Variants in ZNF609 observed in about 807,000 individuals in gnomAD.
ZNF609 encodes zinc finger protein 609.
Under a neutral mutation model 109.5 loss-of-function variants are expected in ZNF609, and 11 were observed. The ratio of observed to expected loss-of-function variants is 0.10; its 90% CI spans 0.06 to 0.17. The LOEUF (loss-of-function observed/expected upper bound fraction) is 0.17. ZNF609 is among the 10% of genes least tolerant of loss of function. The pLI, the probability that ZNF609 is intolerant of heterozygous loss-of-function variation, is 1.00. For synonymous variants in ZNF609, 646 were observed against 662.0 expected (o/e 0.98, Z 0.37); for missense variants, 1,559 against 1,772.4 (o/e 0.88, Z 2.16).
At chr15:64,512,605 C>T (rs1298948876) in intron 2 of ZNF609, among the ~76,000 whole-genome samples, 3 of 152,030 alleles carry the variant, frequency 2.0e-5, no homozygotes, top group Non-Finnish European at 4.4e-5. Context: ...GAGGAAATAT[C>T]GCATCACAGA....
At chr15:64,559,632 G>A (rs1403992957) in intron 2 of ZNF609, among the ~76,000 whole-genome samples, 2 of 152,096 alleles carry the variant, frequency 1.3e-5, no homozygotes, top group Non-Finnish European at 2.9e-5. Flanking sequence ...AGGAAAGATG[G>A]GCATATAATG....
chr15:64,460,917 G>C (rs1220841924), intron 1 of ZNF609, 79 bp downstream of exon 1: 1 of 128,488 alleles, frequency 7.8e-6, no homozygotes, highest in Non-Finnish European at 1.7e-5. Flanking sequence ...GGGCTGAGGG[G>C]ATCTGATGGG....
intron 3 of ZNF609, among the ~76,000 whole-genome samples, chr15:64,652,104 A>G (rs973424254): frequency 5.3e-5 from 8 of 152,104 alleles, no homozygotes; most frequent in African/African-American, 1.7e-4. Flanking sequence ...CAGTGGTGCA[A>G]TCGCAGCTCA....
chr15:64,544,996 A>G (rs1567010426), intron 2 of ZNF609, among the ~76,000 whole-genome samples: 2 of 152,170 alleles, frequency 1.3e-5, no homozygotes, highest in Non-Finnish European at 2.9e-5. Context: ...TGTACCTGTC[A>G]TTTCTGCCAT....
intron 2 of ZNF609, among the ~76,000 whole-genome samples, chr15:64,594,284 G>GTTTGTT (rs1282486079): frequency 6.6e-6 from 1 of 151,786 alleles, no homozygotes; most frequent in East Asian, 1.9e-4. Context: ...TTTTTTGTTT[G>GTTTGTT]TTTGTTTTAA....
At chr15:64,606,298 G>T (rs1001804325) in intron 2 of ZNF609, among the ~76,000 whole-genome samples, 1 of 151,338 alleles carries the variant, frequency 6.6e-6, no homozygotes, top group Non-Finnish European at 1.5e-5. Flanking sequence ...TAGGCCGGGC[G>T]CGGTGGCTCA....
chr15:64,593,301 C>T, intron 2 of ZNF609: 4 of 1,418,168 alleles, frequency 2.8e-6, no homozygotes, highest in East Asian at 2.3e-5. Flanking sequence ...GGTGCTGCCC[C>T]ACGTCCCCCA....
intron 2 of ZNF609, among the ~76,000 whole-genome samples, chr15:64,528,296 A>C (rs1251324577): frequency 6.6e-6 from 1 of 151,538 alleles, no homozygotes; most frequent in Non-Finnish European, 1.5e-5. Context: ...ATGGGGTTTC[A>C]CCATATTAGC....
chr15:64,564,922 A>G (rs1050621671), intron 2 of ZNF609, among the ~76,000 whole-genome samples: 13 of 150,654 alleles, frequency 8.6e-5, no homozygotes, highest in Admixed American at 2.0e-4. Context: ...ATCTCCGCTC[A>G]CTGCAAGCTC....
intron 2 of ZNF609, among the ~76,000 whole-genome samples, chr15:64,587,860 T>G (rs73451079): frequency 0.049 from 7,394 of 152,066 alleles, 598 homozygotes; most frequent in African/African-American, 0.17. Flanking sequence ...GCAGAGTCTC[T>G]AAAGAAGTTA....
At position 64,492,019 on chromosome 15, in the gene ZNF609, A is replaced by G. The variant is rs138481089; in HGVS notation, c.-127-7274A>G. Among the ~76,000 whole-genome samples the G allele has an allele frequency of 2.4e-3, 367 of 152,266 alleles. 2 individuals carry two copies. Among genetic ancestry groups the G allele is most frequent in the African/African-American group, 8.5e-3 (354 of 41,540 alleles). ...CACTTTAGAAGGCCAACACAGGCAG[A>G]TCACCTGAGATCAGGAGTTCGAGAC... On this transcript the variant is annotated intron_variant, in intron 1 of 9. Transcript: ENST00000326648.
intron 1 of ZNF609, among the ~76,000 whole-genome samples, chr15:64,464,045 C>A (rs182211057): frequency 6.6e-6 from 1 of 152,024 alleles, no homozygotes; most frequent in African/African-American, 2.4e-5. Context: ...CCCAACTACC[C>A]GTCCCAGCTT....
At chr15:64,609,134 T>TC (rs1895672243) in intron 2 of ZNF609, among the ~76,000 whole-genome samples, 6 of 145,058 alleles carry the variant, frequency 4.1e-5, no homozygotes, top group African/African-American at 7.6e-5. Context: ...CTTTCTTTTT[T>TC]TCTTTCTTTT....
intron 2 of ZNF609, among the ~76,000 whole-genome samples, chr15:64,531,487 T>A (rs534767572): frequency 6.6e-6 from 1 of 152,290 alleles, no homozygotes; most frequent in South Asian, 2.1e-4. Flanking sequence ...AACTTCCGCC[T>A]TCTGGGTTCA....
chr15:64,635,044 C>T (rs1046313076), intron 3 of ZNF609, among the ~76,000 whole-genome samples: 6 of 152,128 alleles, frequency 3.9e-5, no homozygotes, highest in Admixed American at 6.5e-5. Flanking sequence ...TTTCAGTCAC[C>T]GGCTTTTTTG....
chr15:64,670,246 TA>T, intron 3 of ZNF609, 99 bp from the exon 4 acceptor site: 1 of 974,788 alleles, frequency 1.0e-6, no homozygotes, highest in Non-Finnish European at 1.6e-6. Flanking sequence ...GAGTACCTCC[TA>T]AACCCTCTTA....
rs533587412 is a variant in ZNF609 at position 64,660,950 on chromosome 15, G to GTTGT, written c.974-9374_974-9371dup. ...ATAGCTTATCACTCTCTGGGTTTTTGTTGTTTGTTTGTTTGTTTGTTTGTT... is the reference window on the plus strand; with the variant it reads ...ATAGCTTATCACTCTCTGGGTTTTTGTTGTTTGTTTGTTTGTTTGTTTGTTTGTT... On this transcript the variant is annotated intron_variant, in intron 3 of 9. Coordinates refer to ENST00000326648, the MANE Select transcript of ZNF609 (RefSeq NM_015042.2). Among the ~76,000 whole-genome samples the GTTGT allele has an allele frequency of 2.7e-3, 416 of 151,902 alleles. 2 individuals are homozygous for GTTGT. The highest frequency in any genetic ancestry group is 8.1e-3 in the African/African-American group (334 of 41,428).
chr15:64,606,578 CAG>C (rs1363217059), intron 2 of ZNF609, among the ~76,000 whole-genome samples: 8 of 119,402 alleles, frequency 6.7e-5, no homozygotes, highest in Admixed American at 1.7e-4. Context: ...AAAAAAAAAA[CAG>C]AAAAACTTTT....
At chr15:64,590,771 A>G (rs1895279642) in intron 2 of ZNF609, among the ~76,000 whole-genome samples, 1 of 152,070 alleles carries the variant, frequency 6.6e-6, no homozygotes, top group South Asian at 2.1e-4. Context: ...CCTTAAGATA[A>G]GAGCAGTAGC....
Sources: allele counts gnomAD v4.1 joint callset (sites outside exome capture counted in the v4.1 genomes callset), GRCh38; gene constraint gnomAD v4.1.1; transcripts MANE v1.5; gene names NCBI Gene and HGNC (gene_info 2026-07-23, HGNC 2026-07-21).